LMBRD1: variants seen among roughly 807,000 people sequenced by gnomAD.
LMBRD1 encodes the protein LMBR1 domain containing 1.
Under a neutral mutation model 74.8 loss-of-function variants are expected in LMBRD1, and 64 were observed. The observed-to-expected ratio is 0.86, with a 90% CI of 0.70 to 1.05. The LOEUF is 1.05. LMBRD1 is among the 50% of genes least tolerant of loss of function. LMBRD1 has a pLI of 0.00. For synonymous variants in LMBRD1, 204 were observed against 216.3 expected, an observed-to-expected ratio of 0.94 and a Z score of 0.50; for missense variants, 652 against 645.9, an observed-to-expected ratio of 1.01 and a Z score of -0.10.
chr6:69,683,569 C>G (rs1765704857), intron 14 of LMBRD1, among the ~76,000 whole-genome samples: 1 of 151,974 alleles, frequency 6.6e-6, no homozygotes, highest in Admixed American at 6.6e-5. Context: ...TATGGGTTTA[C>G]TATAATCAAA....
intron 7 of LMBRD1, among the ~76,000 whole-genome samples, chr6:69,719,390 C>T (rs1016030352): frequency 6.6e-6 from 1 of 151,850 alleles, no homozygotes; most frequent in Middle Eastern, 3.4e-3. Context: ...GGTTAAGATA[C>T]TATAAATTAG....
chr6:69,692,600 C>T (rs1765914528), intron 14 of LMBRD1, among the ~76,000 whole-genome samples: 1 of 152,060 alleles, frequency 6.6e-6, no homozygotes, highest in Admixed American at 6.5e-5. Context: ...TATTTATGTC[C>T]TTATGCCTGG....
At chr6:69,772,882 A>C (rs1041043067) in intron 3 of LMBRD1, among the ~76,000 whole-genome samples, 1 of 152,230 alleles carries the variant, frequency 6.6e-6, no homozygotes, top group Non-Finnish European at 1.5e-5. Flanking sequence ...TTGCACTAAC[A>C]GAGAAAATTT....
chr6:69,696,633 T>C (rs896646254), intron 14 of LMBRD1, among the ~76,000 whole-genome samples: 1 of 152,030 alleles, frequency 6.6e-6, no homozygotes, highest in African/African-American at 2.4e-5. Context: ...CCAGATAACC[T>C]TAAAATGTAG....
chr6:69,780,427 C>A, intron 3 of LMBRD1, 67 bp downstream of exon 3: 1 of 1,164,388 alleles, frequency 8.6e-7, no homozygotes, highest in Non-Finnish European at 1.3e-6. Flanking sequence ...GGGTTCTCCA[C>A]TCATCGGAGT....
intron 7 of LMBRD1, among the ~76,000 whole-genome samples, chr6:69,720,894 T>C (rs1368018707): frequency 6.6e-6 from 1 of 152,156 alleles, no homozygotes. Context: ...GCGGCAGCCA[T>C]GAGGCACCAT....
intron 1 of LMBRD1, among the ~76,000 whole-genome samples, chr6:69,795,606 A>T (rs1347704943): frequency 6.6e-6 from 1 of 152,312 alleles, no homozygotes; most frequent in East Asian, 1.9e-4. Context: ...GGACTGGAAA[A>T]GCCAGGGGGC....
chr6:69,791,135 T>C (rs1255481750), intron 1 of LMBRD1, among the ~76,000 whole-genome samples: 1 of 152,246 alleles, frequency 6.6e-6, no homozygotes, highest in Admixed American at 6.5e-5. Flanking sequence ...AATGCCATTC[T>C]AGTGACTAAC....
At chr6:69,687,053 A>G (rs1402674792) in intron 14 of LMBRD1, among the ~76,000 whole-genome samples, 1 of 152,208 alleles carries the variant, frequency 6.6e-6, no homozygotes, top group Non-Finnish European at 1.5e-5. Flanking sequence ...CATAAGTCAC[A>G]TCATGCCATT....
At chr6:69,740,233 T>C (rs916918802) in intron 6 of LMBRD1, among the ~76,000 whole-genome samples, 4 of 152,180 alleles carry the variant, frequency 2.6e-5, no homozygotes, top group African/African-American at 9.7e-5. Flanking sequence ...GTTTTGGACT[T>C]AGACAGCTCA....
At chr6:69,724,465 G>C (rs971485213) in intron 7 of LMBRD1, among the ~76,000 whole-genome samples, 5 of 140,734 alleles carry the variant, frequency 3.6e-5, no homozygotes, top group African/African-American at 1.3e-4. Context: ...TGACCAAGTG[G>C]GATTTATCCC....
rs1189598625 is a variant in LMBRD1, at chr6:69,674,697, G to A, written c.*1461C>T. Among the ~76,000 whole-genome samples the A allele has an allele frequency of 2.0e-5, 3 of 152,160 alleles. No homozygotes were observed. Among genetic ancestry groups the A allele is most frequent in the African/African-American group, 7.2e-5 (3 of 41,434 alleles). ...CACAAAGAAAATGTAATATAAGGCC[G>A]AGCGTGGTGGCTTATGCCTGTAATC... On this transcript the variant is annotated 3_prime_UTR_variant, in exon 16 of 16. Transcript: ENST00000649934.
At chr6:69,767,392 C>T (rs528303250) in intron 3 of LMBRD1, among the ~76,000 whole-genome samples, 123 of 151,754 alleles carry the variant, frequency 8.1e-4, no homozygotes, top group African/African-American at 2.9e-3. Context: ...TGATATGTTA[C>T]ATTTTTATTT....
At chr6:69,751,768 TCG>T (rs988933885) in intron 4 of LMBRD1, among the ~76,000 whole-genome samples, 1 of 152,244 alleles carries the variant, frequency 6.6e-6, no homozygotes, top group Non-Finnish European at 1.5e-5. Flanking sequence ...CATAAAATGT[TCG>T]CTGTCTCTGG....
intron 1 of LMBRD1, among the ~76,000 whole-genome samples, chr6:69,790,965 T>C (rs1766069484): frequency 6.6e-6 from 1 of 152,214 alleles, no homozygotes; most frequent in Non-Finnish European, 1.5e-5. Context: ...CATGCAATTA[T>C]CACATTATAC....
chr6:69,741,292 G>C (rs1341211851), intron 6 of LMBRD1, among the ~76,000 whole-genome samples: 1 of 152,080 alleles, frequency 6.6e-6, no homozygotes, highest in African/African-American at 2.4e-5. Flanking sequence ...ATAGCTAGAT[G>C]GCTAAAAGCA....
intron 4 of LMBRD1, among the ~76,000 whole-genome samples, chr6:69,750,953 T>G (rs1765134025): frequency 6.6e-6 from 1 of 152,170 alleles, no homozygotes; most frequent in Admixed American, 6.5e-5. Context: ...ACTTAATACA[T>G]TTATTTCTGT....
At chr6:69,757,039 T>G (rs1159199383) in intron 3 of LMBRD1, among the ~76,000 whole-genome samples, 3 of 152,180 alleles carry the variant, frequency 2.0e-5, no homozygotes, top group African/African-American at 7.2e-5. Context: ...AAATATTATA[T>G]GCAGTGATCA....
At chr6:69,775,325 T>C (rs1226757571) in intron 3 of LMBRD1, among the ~76,000 whole-genome samples, 2 of 152,298 alleles carry the variant, frequency 1.3e-5, no homozygotes, top group African/African-American at 2.4e-5. Flanking sequence ...GCCTGATTTC[T>C]GCCAGCTTCT....
Sources: gnomAD v4.1 joint callset for allele counts (sites outside exome capture counted in the v4.1 genomes callset) on GRCh38, gnomAD v4.1.1 for gene constraint, MANE v1.5 for transcripts, NCBI Gene and HGNC (gene_info 2026-07-23, HGNC 2026-07-21) for gene names.